Variants in MLLT3 observed in about 807,000 individuals in gnomAD.
The protein encoded by MLLT3 is protein AF-9.
MLLT3 carries 4 observed loss-of-function variants against 53.2 expected under a neutral mutation model. The ratio of observed to expected loss-of-function variants is 0.08; its 90% CI spans 0.04 to 0.17. The LOEUF (loss-of-function observed/expected upper bound fraction) is 0.17, where lower values mean the gene tolerates loss of function less well. Ranked by LOEUF, MLLT3 falls within the 10% of genes least tolerant of loss-of-function variation. The pLI is 1.00. For synonymous variants in MLLT3, 283 were observed against 230.6 expected, an observed-to-expected ratio of 1.23 and a Z score of -2.06; for missense variants, 569 against 684.0, an observed-to-expected ratio of 0.83 and a Z score of 1.87.
chr9:20,533,169 A>T (rs1260339035), intron 2 of MLLT3: 2 of 289,688 alleles, frequency 6.9e-6, no homozygotes, highest in Non-Finnish European at 1.4e-5. Flanking sequence ...TCACCTTTAC[A>T]CAGGTTAACT....
intron 5 of MLLT3, among the ~76,000 whole-genome samples, chr9:20,375,174 T>C (rs1318864759): frequency 2.6e-5 from 4 of 152,198 alleles, no homozygotes; most frequent in African/African-American, 9.7e-5. Context: ...CTGACTAAGA[T>C]AGCAGGGTGC....
intron 4 of MLLT3, among the ~76,000 whole-genome samples, chr9:20,441,963 C>A (rs1823566253): frequency 6.6e-6 from 1 of 152,094 alleles, no homozygotes; most frequent in Non-Finnish European, 1.5e-5. Context: ...AAAACACAGA[C>A]CTTGGTTAAA....
intron 2 of MLLT3, among the ~76,000 whole-genome samples, chr9:20,619,215 T>C (rs1279158400): frequency 1.3e-5 from 2 of 152,236 alleles, no homozygotes; most frequent in Non-Finnish European, 2.9e-5. Context: ...AAATTTCAAA[T>C]GTTATTTCCT....
chr9:20,564,830 C>T (rs1255002675), intron 2 of MLLT3, among the ~76,000 whole-genome samples: 2 of 151,754 alleles, frequency 1.3e-5, no homozygotes, highest in African/African-American at 2.4e-5. Flanking sequence ...CAAATCTGAA[C>T]CAATGTGAAA....
chr9:20,360,066 T>A (rs1337010343), intron 8 of MLLT3, among the ~76,000 whole-genome samples: 11 of 152,252 alleles, frequency 7.2e-5, no homozygotes, highest in Non-Finnish European at 4.4e-5. Context: ...ATCAAATTAA[T>A]AAGCTTTCCT....
At chr9:20,452,702 A>G (rs1405771310) in intron 3 of MLLT3, among the ~76,000 whole-genome samples, 1 of 152,218 alleles carries the variant, frequency 6.6e-6, no homozygotes, top group Non-Finnish European at 1.5e-5. Flanking sequence ...GTAACATGAA[A>G]AATAAAAAAT....
chr9:20,497,989 A>T (rs1164144257), intron 2 of MLLT3, among the ~76,000 whole-genome samples: 1 of 152,090 alleles, frequency 6.6e-6, no homozygotes, highest in Non-Finnish European at 1.5e-5. Context: ...TGGGACAGTG[A>T]GGCGAGTGGA....
At chr9:20,588,160 G>A (rs940518776) in intron 2 of MLLT3, among the ~76,000 whole-genome samples, 74 of 151,948 alleles carry the variant, frequency 4.9e-4, no homozygotes, top group Non-Finnish European at 2.8e-4. Flanking sequence ...GTAGATATGC[G>A]GCGTTATTTC....
At chr9:20,597,906 T>C (rs181283877) in intron 2 of MLLT3, among the ~76,000 whole-genome samples, 3 of 152,368 alleles carry the variant, frequency 2.0e-5, no homozygotes, top group African/African-American at 2.4e-5. Flanking sequence ...CTTAGATATC[T>C]GCTTAGTGTT....
intron 2 of MLLT3, among the ~76,000 whole-genome samples, chr9:20,607,051 G>T (rs974410140): frequency 8.6e-5 from 13 of 151,866 alleles, no homozygotes; most frequent in African/African-American, 3.1e-4. Flanking sequence ...CCAAATAAGG[G>T]CCATTTGTAC....
At chr9:20,612,424 G>A (rs1024187820) in intron 2 of MLLT3, among the ~76,000 whole-genome samples, 5 of 151,902 alleles carry the variant, frequency 3.3e-5, no homozygotes, top group African/African-American at 9.7e-5. Context: ...CTATGGCCAC[G>A]AACTAAATTC....
intron 2 of MLLT3, among the ~76,000 whole-genome samples, chr9:20,607,302 T>C (rs1359243111): frequency 6.6e-6 from 1 of 152,120 alleles, no homozygotes; most frequent in Non-Finnish European, 1.5e-5. Flanking sequence ...TAAATTAACT[T>C]ACTAATAAAA....
chr9:20,520,388 T>A (rs775024767), intron 2 of MLLT3, among the ~76,000 whole-genome samples: 1 of 152,038 alleles, frequency 6.6e-6, no homozygotes, highest in African/African-American at 2.4e-5. Context: ...TGAGTCTCAA[T>A]TGGAATAAAT....
chr9:20,511,876 G>A (rs1563794583), intron 2 of MLLT3, among the ~76,000 whole-genome samples: 1 of 152,124 alleles, frequency 6.6e-6, no homozygotes, highest in African/African-American at 2.4e-5. Context: ...AGTAGCCACA[G>A]CAGACATTAA....
intron 2 of MLLT3, among the ~76,000 whole-genome samples, chr9:20,498,008 G>C (rs934046518): frequency 6.6e-6 from 1 of 151,938 alleles, no homozygotes; most frequent in African/African-American, 2.4e-5. Context: ...GATCACTTGA[G>C]GCCAGGAGTT....
rs930264143 is a variant in MLLT3, at chr9:20,399,023, G to A, written c.1125+14698C>T. ...AGGGGCTGCCCGGGCAGGTAAGAGT[G>A]AAATCCAATTTATGCAACTTGCTTA... is the stretch of plus-strand genomic sequence containing the variant. On this transcript the variant is annotated intron_variant, in intron 5 of 10. Coordinates refer to ENST00000380338, the MANE Select transcript of MLLT3 (RefSeq NM_004529.4). Among the ~76,000 whole-genome samples the A allele has an allele frequency of 2.5e-4, 38 of 152,262 alleles. 1 individual carries two copies. In the East Asian group the frequency reaches 3.7e-3, roughly 15 times the overall value.
At chr9:20,565,958 A>ATATATATATATT (rs1563820519) in intron 2 of MLLT3, among the ~76,000 whole-genome samples, 3 of 33,946 alleles carry the variant, frequency 8.8e-5, no homozygotes, top group Non-Finnish European at 1.6e-4. Context: ...ATATATTTAT[A>ATATATATATATT]TATATATATT....
chr9:20,535,340 C>A (rs1818453369), intron 2 of MLLT3, among the ~76,000 whole-genome samples: 1 of 152,174 alleles, frequency 6.6e-6, no homozygotes, highest in Non-Finnish European at 1.5e-5. Context: ...AAATTGTCTT[C>A]CATGAAACCA....
At chr9:20,534,024 C>T (rs1050809976) in intron 2 of MLLT3, among the ~76,000 whole-genome samples, 39 of 152,060 alleles carry the variant, frequency 2.6e-4, no homozygotes, top group African/African-American at 8.9e-4. Context: ...ACAATGTACA[C>T]GTATATCAAA....
Sources: gnomAD v4.1 joint callset for allele counts (sites outside exome capture counted in the v4.1 genomes callset) on GRCh38, gnomAD v4.1.1 for gene constraint, MANE v1.5 for transcripts, NCBI Gene and HGNC (gene_info 2026-07-23, HGNC 2026-07-21) for gene names.